Variants in DYM observed in about 807,000 individuals in gnomAD.
DYM encodes the protein dymeclin.
DYM carries 78 observed loss-of-function variants against 93.1 expected under a neutral mutation model. The observed-to-expected ratio is 0.84, with a 90% CI of 0.70 to 1.01. The LOEUF is 1.01. DYM is among the 50% of genes least tolerant of loss of function. DYM has a pLI of 0.00. For synonymous variants in DYM, 321 were observed against 319.7 expected, an observed-to-expected ratio of 1.00 and a Z score of -0.04; for missense variants, 789 against 845.0, an observed-to-expected ratio of 0.93 and a Z score of 0.82.
chr18:49,074,543 T>C (rs1049755754), intron 17 of DYM, among the ~76,000 whole-genome samples: 1 of 152,308 alleles, frequency 6.6e-6, no homozygotes, highest in East Asian at 1.9e-4. Context: ...TAATTGTGCA[T>C]GGTACTTTTA....
chr18:49,442,151 A>T (rs1212312816), intron 1 of DYM, among the ~76,000 whole-genome samples: 1 of 152,148 alleles, frequency 6.6e-6, no homozygotes, highest in African/African-American at 2.4e-5. Flanking sequence ...CTACTTACAC[A>T]AAGAGCTTCC....
intron 14 of DYM, among the ~76,000 whole-genome samples, chr18:49,199,002 G>C (rs1275478256): frequency 3.9e-5 from 6 of 152,144 alleles, no homozygotes; most frequent in Non-Finnish European, 8.8e-5. Context: ...TGATAGACTG[G>C]ATTAAGAAAA....
intron 3 of DYM, among the ~76,000 whole-genome samples, chr18:49,389,743 G>A (rs774872067): frequency 6.6e-6 from 1 of 152,064 alleles, no homozygotes; most frequent in Non-Finnish European, 1.5e-5. Flanking sequence ...TGCCCAAGCT[G>A]GTCTTGAACT....
chr18:49,078,216 G>A (rs1338451615), intron 17 of DYM, among the ~76,000 whole-genome samples: 1 of 152,068 alleles, frequency 6.6e-6, no homozygotes, highest in Non-Finnish European at 1.5e-5. Flanking sequence ...AGTAAAAACT[G>A]AATTGCATAT....
At chr18:49,071,790 T>G (rs1467701114) in intron 17 of DYM, among the ~76,000 whole-genome samples, 1 of 152,168 alleles carries the variant, frequency 6.6e-6, no homozygotes, top group East Asian at 1.9e-4. Flanking sequence ...TACCATATAT[T>G]TAATGGCAGG....
At chr18:49,127,271 T>A (rs947283252) in intron 15 of DYM, among the ~76,000 whole-genome samples, 2 of 152,232 alleles carry the variant, frequency 1.3e-5, no homozygotes, top group African/African-American at 4.8e-5. Context: ...ATGTTTCTGA[T>A]ACATCAAATA....
In DYM at chr18:49,041,364, A is replaced by T. The variant is rs1404554634; in HGVS notation, c.*2691T>A. The T allele has an allele frequency of 6.6e-6, 1 of 152,246 alleles. No homozygotes were observed. Among genetic ancestry groups the T allele is most frequent in the Non-Finnish European group, 1.5e-5 (1 of 68,048 alleles). The allele number at this position is 152,246 out of a possible 1,614,324, so 9.4% of individuals were successfully genotyped here. ...AGCTTCAGATCTGGGGTAAAATCAG[A>T]TGCCAATTTCCATCTGAACACACGA... On this transcript the variant is annotated 3_prime_UTR_variant, in exon 18 of 18. Transcript: ENST00000675505.
intron 1 of DYM, among the ~76,000 whole-genome samples, chr18:49,431,359 C>T (rs998112065): frequency 2.0e-5 from 3 of 152,190 alleles, no homozygotes; most frequent in African/African-American, 4.8e-5. Context: ...TCTATGCCCA[C>T]TGTCTAGACT....
At chr18:49,296,134 G>A (rs1028165897) in intron 8 of DYM, among the ~76,000 whole-genome samples, 5 of 152,082 alleles carry the variant, frequency 3.3e-5, no homozygotes, top group Non-Finnish European at 5.9e-5. Flanking sequence ...TTGCCATGGT[G>A]GCCAGGATGG....
chr18:49,123,412 G>T (rs1312424497), intron 15 of DYM, among the ~76,000 whole-genome samples: 1 of 152,128 alleles, frequency 6.6e-6, no homozygotes, highest in East Asian at 1.9e-4. Flanking sequence ...CCCATGGTGA[G>T]GCTGTTTCTG....
chr18:49,174,120 T>C (rs922384978), intron 14 of DYM, among the ~76,000 whole-genome samples: 1 of 152,118 alleles, frequency 6.6e-6, no homozygotes, highest in African/African-American at 2.4e-5. Context: ...GATCATATAG[T>C]TTTCTTTTTA....
intron 15 of DYM, among the ~76,000 whole-genome samples, chr18:49,152,268 T>C (rs1482783934): frequency 1.3e-5 from 2 of 152,102 alleles, no homozygotes; most frequent in African/African-American, 2.4e-5. Context: ...AAGGCAATAG[T>C]GTTTCATTCG....
intron 5 of DYM, among the ~76,000 whole-genome samples, chr18:49,377,132 C>A (rs899193576): frequency 2.6e-5 from 4 of 152,140 alleles, no homozygotes; most frequent in Non-Finnish European, 5.9e-5. Flanking sequence ...TAACATAATA[C>A]CTTAATACAT....
chr18:49,343,281 C>A (rs1460923794), intron 6 of DYM, among the ~76,000 whole-genome samples: 2 of 152,160 alleles, frequency 1.3e-5, no homozygotes, highest in South Asian at 2.1e-4. Flanking sequence ...CTACCACATA[C>A]CCTCCCCATC....
intron 15 of DYM, among the ~76,000 whole-genome samples, chr18:49,139,031 C>A (rs2084164280): frequency 6.6e-6 from 1 of 152,020 alleles, no homozygotes; most frequent in Admixed American, 6.6e-5. Flanking sequence ...TGCTGATGAA[C>A]CTATTAACTG....
At chr18:49,097,553 T>C (rs1476924974) in intron 16 of DYM, 38 bp from the exon 17 acceptor site, 1 of 1,561,876 alleles carries the variant, frequency 6.4e-7, no homozygotes, top group Non-Finnish European at 8.8e-7. Context: ...CAAGAAGAGG[T>C]ATGAAATGTA....
intron 6 of DYM, among the ~76,000 whole-genome samples, chr18:49,339,191 A>G (rs532516477): frequency 6.6e-6 from 1 of 152,266 alleles, no homozygotes; most frequent in Non-Finnish European, 1.5e-5. Context: ...ACTAACCAGC[A>G]TAGTCAGTTT....
intron 15 of DYM, among the ~76,000 whole-genome samples, chr18:49,145,108 C>CATATATATAT (rs56212722): frequency 0.081 from 1,503 of 18,666 alleles, 91 homozygotes; most frequent in African/African-American, 0.12. Context: ...CAAAAAAATT[C>CATATATATAT]ATATATATAT....
chr18:49,305,076 T>C (rs1033187428), intron 8 of DYM, among the ~76,000 whole-genome samples: 1 of 152,114 alleles, frequency 6.6e-6, no homozygotes, highest in Non-Finnish European at 1.5e-5. Flanking sequence ...CTCTGTTATC[T>C]CTACTACTTT....
Sources: allele counts gnomAD v4.1 joint callset (sites outside exome capture counted in the v4.1 genomes callset), GRCh38; gene constraint gnomAD v4.1.1; transcripts MANE v1.5; gene names NCBI Gene and HGNC (gene_info 2026-07-23, HGNC 2026-07-21).